Variants in IL1RAPL1 observed in about 807,000 individuals in gnomAD.
IL1RAPL1 encodes interleukin-1 receptor accessory protein-like 1.
In IL1RAPL1, 3 loss-of-function variants were observed where a neutral mutation model predicts 48.4. The ratio of observed to expected loss-of-function variants is 0.06; its 90% CI spans 0.03 to 0.16. The LOEUF (loss-of-function observed/expected upper bound fraction) is 0.16. IL1RAPL1 is among the 10% of genes least tolerant of loss of function. The pLI, the probability that IL1RAPL1 is intolerant of heterozygous loss-of-function variation, is 1.00. For synonymous variants in IL1RAPL1, 185 were observed against 187.7 expected (o/e 0.99, Z 0.12); for missense variants, 349 against 530.6 (o/e 0.66, Z 3.36).
chrX:29,338,043 A>G (rs1057221818), intron 3 of IL1RAPL1, among the ~76,000 whole-genome samples: 1 of 111,745 alleles, frequency 8.9e-6, no homozygotes, highest in East Asian at 2.8e-4. Context: ...GGTATGCGTC[A>G]TTCTCTGGAC....
In IL1RAPL1 at chrX:28,629,317, A is replaced by G. The variant is rs1276183003; in HGVS notation, c.-25+41270A>G. Among the ~76,000 whole-genome samples, 6 of 111,662 alleles carry G rather than the reference A, an allele frequency of 5.4e-5. No homozygotes were observed. In the Admixed American group the frequency reaches 5.7e-4, roughly 11 times the overall value. ...GGCTTGAAGGGACCTTAATTATTTC[A>G]TGGTTTATTCCTGCTAAAACTTCTA... On this transcript the variant is annotated intron_variant, in intron 1 of 10. Transcript: ENST00000378993.
chrX:28,653,661 T>G (rs1267017260), intron 1 of IL1RAPL1, among the ~76,000 whole-genome samples: 4 of 111,696 alleles, frequency 3.6e-5, no homozygotes. Context: ...TCAGAAAGTG[T>G]GTAAAATTAA....
chrX:29,613,683 A>G (rs1172135443), intron 5 of IL1RAPL1, among the ~76,000 whole-genome samples: 1 of 99,931 alleles, frequency 1.0e-5, no homozygotes, highest in Non-Finnish European at 2.0e-5. Flanking sequence ...TGGGTGTGGT[A>G]GGACAAATGG....
chrX:29,701,506 G>A (rs1005993809), intron 6 of IL1RAPL1, among the ~76,000 whole-genome samples: 1 of 112,103 alleles, frequency 8.9e-6, no homozygotes, highest in African/African-American at 3.2e-5. Flanking sequence ...ATATTCAAGA[G>A]AGTATGAGAC....
chrX:28,711,306 C>A (rs1935437088), intron 1 of IL1RAPL1, among the ~76,000 whole-genome samples: 1 of 111,424 alleles, frequency 9.0e-6, no homozygotes, highest in African/African-American at 3.3e-5. Flanking sequence ...AGGCTTTTGG[C>A]ATAAGTGGAA....
intron 6 of IL1RAPL1, among the ~76,000 whole-genome samples, chrX:29,803,413 G>GTATACACATA (rs1569174333): frequency 4.5e-5 from 4 of 89,349 alleles, no homozygotes; most frequent in East Asian, 7.0e-4. Context: ...ATGTGTATAT[G>GTATACACATA]TGTATATGTG....
chrX:29,766,380 G>T (rs754084526), intron 6 of IL1RAPL1, among the ~76,000 whole-genome samples: 956 of 84,910 alleles, frequency 0.011, 55 homozygotes, highest in African/African-American at 0.046. Context: ...TAGATAGATA[G>T]ATAGATATTT....
chrX:28,669,327 G>A (rs1397354028), intron 1 of IL1RAPL1, among the ~76,000 whole-genome samples: 1 of 110,793 alleles, frequency 9.0e-6, no homozygotes, highest in Admixed American at 9.7e-5. Flanking sequence ...AATTAAAAAT[G>A]TAGCCCCAAG....
chrX:28,928,670 A>G (rs1923809577), intron 2 of IL1RAPL1, among the ~76,000 whole-genome samples: 1 of 112,198 alleles, frequency 8.9e-6, no homozygotes, highest in Non-Finnish European at 1.9e-5. Flanking sequence ...ATCTTAATTA[A>G]GTGATACTTT....
chrX:29,874,755 C>T (rs759479362), intron 6 of IL1RAPL1, among the ~76,000 whole-genome samples: 13 of 112,275 alleles, frequency 1.2e-4, no homozygotes, highest in Non-Finnish European at 2.1e-4. Context: ...GTGATTGATA[C>T]ATTTCGACAA....
chrX:29,698,171 C>CTTT (rs757165756), intron 6 of IL1RAPL1, among the ~76,000 whole-genome samples: 1 of 93,886 alleles, frequency 1.1e-5, no homozygotes, highest in Non-Finnish European at 2.2e-5. Context: ...CTGGAATGTT[C>CTTT]TTTTTTTTTT....
At chrX:28,986,398 C>T (rs1196931578) in intron 2 of IL1RAPL1, among the ~76,000 whole-genome samples, 1 of 111,632 alleles carries the variant, frequency 9.0e-6, no homozygotes, top group Non-Finnish European at 1.9e-5. Flanking sequence ...TTATTTCTTC[C>T]CATTTTATAC....
intron 5 of IL1RAPL1, among the ~76,000 whole-genome samples, chrX:29,401,752 G>A (rs1299252615): frequency 9.0e-6 from 1 of 110,562 alleles, no homozygotes; most frequent in Non-Finnish European, 1.9e-5. Context: ...AAATGTGCAG[G>A]CAGCATCGTG....
At chrX:29,604,690 A>G (rs1265981990) in intron 5 of IL1RAPL1, among the ~76,000 whole-genome samples, 1 of 111,824 alleles carries the variant, frequency 8.9e-6, no homozygotes, top group Non-Finnish European at 1.9e-5. Context: ...AATGTACAAC[A>G]TACAAGTCAT....
intron 6 of IL1RAPL1, among the ~76,000 whole-genome samples, chrX:29,886,677 G>A (rs1417184055): frequency 8.9e-6 from 1 of 112,118 alleles, no homozygotes; most frequent in African/African-American, 3.2e-5. Flanking sequence ...TCCTGACTCA[G>A]ATGACTATAG....
At chrX:29,220,292 T>TA (rs1454571594) in intron 2 of IL1RAPL1, among the ~76,000 whole-genome samples, 2 of 112,447 alleles carry the variant, frequency 1.8e-5, no homozygotes, top group African/African-American at 6.5e-5. Flanking sequence ...TCACCACAAT[T>TA]AAAAATGTTC....
chrX:29,885,417 T>C (rs1932134076), intron 6 of IL1RAPL1, among the ~76,000 whole-genome samples: 1 of 111,808 alleles, frequency 8.9e-6, no homozygotes, highest in South Asian at 3.7e-4. Context: ...GCAAGTCCCA[T>C]GGGGGCGGAA....
chrX:28,748,215 T>C (rs1311363162), intron 1 of IL1RAPL1, among the ~76,000 whole-genome samples: 3 of 112,385 alleles, frequency 2.7e-5, no homozygotes, highest in Non-Finnish European at 5.6e-5. Flanking sequence ...CTATTAGTAA[T>C]AGTTTTATTT....
At chrX:29,190,289 A>T (rs139960647) in intron 2 of IL1RAPL1, among the ~76,000 whole-genome samples, 1 of 112,040 alleles carries the variant, frequency 8.9e-6, no homozygotes, top group Admixed American at 9.5e-5. Flanking sequence ...ATGAAGCCAG[A>T]TGTCCTATTT....
Sources: gnomAD v4.1 joint callset for allele counts (sites outside exome capture counted in the v4.1 genomes callset) on GRCh38, gnomAD v4.1.1 for gene constraint, MANE v1.5 for transcripts, NCBI Gene and HGNC (gene_info 2026-07-23, HGNC 2026-07-21) for gene names.